ACTN2: variants seen among roughly 807,000 people sequenced by gnomAD.
ACTN2 encodes the protein alpha-actinin-2.
In ACTN2, 39 loss-of-function variants were observed where a neutral mutation model predicts 113.8. The observed-to-expected ratio is 0.34, with a 90% CI of 0.27 to 0.45. The LOEUF (loss-of-function observed/expected upper bound fraction) is 0.45, where lower values mean the gene tolerates loss of function less well. Among genes scored for constraint, ACTN2 ranks in the 20% least tolerant of loss-of-function variants. The probability of loss-of-function intolerance (pLI) is 1.00; values close to 1 mark genes in which losing one functional copy is unlikely to be tolerated. For synonymous variants in ACTN2, 429 were observed against 444.1 expected (o/e 0.97, Z 0.43); for missense variants, 992 against 1,177.9 (o/e 0.84, Z 2.31).
chr1:236,761,245 G>T (rs1659700009), intron 20 of ACTN2, 72 bp downstream of exon 20: 1 of 1,585,250 alleles, frequency 6.3e-7, no homozygotes, highest in African/African-American at 1.3e-5. Context: ...AGGCAACAGT[G>T]TTGTAAATAA....
At chr1:236,704,347 C>T (rs954641760) in intron 1 of ACTN2, among the ~76,000 whole-genome samples, 2 of 152,154 alleles carry the variant, frequency 1.3e-5, no homozygotes, top group African/African-American at 2.4e-5. Flanking sequence ...TCCCACTTTC[C>T]GCCACCCTGT....
intron 1 of ACTN2, among the ~76,000 whole-genome samples, chr1:236,704,731 G>C (rs917236245): frequency 3.3e-5 from 5 of 152,188 alleles, no homozygotes; most frequent in African/African-American, 1.2e-4. Flanking sequence ...CGCCCTCCAG[G>C]AACCTCCACG....
chr1:236,753,915 C>T (rs761479426), intron 15 of ACTN2, 32 bp from the exon 16 acceptor site: 64 of 1,613,176 alleles, frequency 4.0e-5, no homozygotes, highest in Middle Eastern at 1.6e-4. Flanking sequence ...CACAGCTGGC[C>T]TCTAACCCTT....
chr1:236,729,273 G>A (rs532219751), intron 6 of ACTN2, among the ~76,000 whole-genome samples: 22 of 152,168 alleles, frequency 1.4e-4, no homozygotes, highest in Non-Finnish European at 2.6e-4. Context: ...GCAGTGAACC[G>A]AGATGGCACC....
Position 236,717,890 on chromosome 1 carries a change from G to A in ACTN2, c.159G>A (p.Arg53=). 6.2e-7 allele frequency: 1 copy of A among 1,614,124 alleles called. No individual in the cohort carries two copies. The highest frequency in any genetic ancestry group is 1.3e-5 in the African/African-American group (1 of 75,034). The change falls in exon 2 of 21, where the codon AGG becomes AGA. Residue 53 remains arginine (R), a synonymous_variant. Transcript: ENST00000366578. ...CTGCCTGGTGTAACTCCCACCTAAG[G>A]AAAGCCGGCACCCAGATTGAGAACA... ...TFTAWCNSHL[R]KAGTQIENIE... is the part of the protein sequence containing the mutation.
intron 2 of ACTN2, 135 bp from the exon 3 acceptor site, chr1:236,718,759 G>A (rs1424757842): frequency 8.0e-7 from 1 of 1,247,248 alleles, no homozygotes; most frequent in Non-Finnish European, 1.2e-6. Context: ...GATTTAGAGA[G>A]ACCAGGCACA....
intron 1 of ACTN2, among the ~76,000 whole-genome samples, chr1:236,700,775 A>G (rs1239968752): frequency 1.3e-5 from 2 of 152,180 alleles, no homozygotes; most frequent in Admixed American, 6.5e-5. Context: ...TTCTTCGGGA[A>G]AGGTTATTTT....
chr1:236,724,630 C>T (rs1199089811), intron 4 of ACTN2, among the ~76,000 whole-genome samples: 1 of 152,206 alleles, frequency 6.6e-6, no homozygotes. Context: ...TCTCACGTCG[C>T]ATAGGGGTGT....
intron 1 of ACTN2, among the ~76,000 whole-genome samples, chr1:236,688,238 T>TA (rs921017859): frequency 7.9e-5 from 12 of 151,194 alleles, no homozygotes; most frequent in African/African-American, 1.9e-4. Flanking sequence ...TTTCATGGAT[T>TA]AAAAAAAAAG....
intron 17 of ACTN2, among the ~76,000 whole-genome samples, chr1:236,755,405 C>T (rs1659525610): frequency 6.6e-6 from 1 of 152,190 alleles, no homozygotes; most frequent in Non-Finnish European, 1.5e-5. Flanking sequence ...CCAACAGTGA[C>T]ATTATCATTA....
At position 236,686,569 on chromosome 1, in the gene ACTN2, C is replaced by T; in HGVS notation, c.-105C>T. 1 of 1,312,242 alleles carries T rather than the reference C, an allele frequency of 7.6e-7. No individual in the cohort carries two copies. The highest frequency in any genetic ancestry group is 3.3e-5 in the East Asian group (1 of 29,874). 81.3% of individuals were successfully genotyped at this position (1,312,242 alleles called of 1,614,324 possible). A position where few individuals can be genotyped will look rare whatever the true frequency, so the allele number is the denominator to read the frequency against. ...CGAGAGGAGCCGCGCGAAGGTCACC[C>T]CGCGCCCGCCGCCCGCCGCCCGCCG... is the stretch of plus-strand genomic sequence containing the variant. On this transcript the variant is annotated 5_prime_UTR_variant, in exon 1 of 21. Coordinates refer to ENST00000366578, the MANE Select transcript of ACTN2 (RefSeq NM_001103.4).
intron 17 of ACTN2, 35 bp downstream of exon 17, chr1:236,755,233 C>T (rs2102944334): frequency 6.2e-7 from 1 of 1,613,264 alleles, no homozygotes; most frequent in Non-Finnish European, 8.5e-7. Flanking sequence ...CCGCTCACTT[C>T]TCACGGGGAC....
chr1:236,734,879 A>C (rs1026809453), intron 7 of ACTN2, among the ~76,000 whole-genome samples: 3 of 152,236 alleles, frequency 2.0e-5, no homozygotes, highest in African/African-American at 7.2e-5. Flanking sequence ...GTTAAAAAGC[A>C]ACTTACCGAA....
rs538711530 is a variant in ACTN2 at position 236,725,021 on chromosome 1, C to G, written c.449-912C>G. ...ACCAGATGAATGACAGATTAGTTGT[C>G]ATCAACTACACACAGTTTATTTTTT... On this transcript the variant is annotated intron_variant, in intron 4 of 20. Coordinates refer to ENST00000366578, the MANE Select transcript of ACTN2 (RefSeq NM_001103.4). Among the ~76,000 whole-genome samples the G allele has an allele frequency of 2.0e-5, 3 of 152,078 alleles. No individual in the cohort carries two copies. In the South Asian group the frequency reaches 6.2e-4, roughly 32 times the overall value.
chr1:236,752,368 G>A (rs2102940608), intron 15 of ACTN2, among the ~76,000 whole-genome samples: 1 of 152,086 alleles, frequency 6.6e-6, no homozygotes, highest in Admixed American at 6.6e-5. Context: ...ACAAAAACAG[G>A]TATGAGGAAA....
chr1:236,711,695 G>A lies in ACTN2; in HGVS notation c.127-6163G>A, dbSNP rs1658031772. Among the ~76,000 whole-genome samples, 4 of 152,192 alleles carry A rather than the reference G, an allele frequency of 2.6e-5. No individual in the cohort carries two copies. The South Asian group carries it at 8.3e-4, about 31-fold the overall frequency. Reference sequence around the variant, plus strand: ...TTTCTTTCTGGGGATAGATGGTTTTGTGGCTTCCCATCTCGGTCTTCTTTT... The same window carrying A: ...TTTCTTTCTGGGGATAGATGGTTTTATGGCTTCCCATCTCGGTCTTCTTTT... On this transcript the variant is annotated intron_variant, in intron 1 of 20. Transcript: ENST00000366578.
intron 4 of ACTN2, among the ~76,000 whole-genome samples, chr1:236,721,931 C>A (rs556574067): frequency 6.6e-6 from 1 of 151,918 alleles, no homozygotes; most frequent in South Asian, 2.1e-4. Flanking sequence ...AGAGTTTTCC[C>A]CAAAATTGTT....
At chr1:236,700,111 A>G (rs1237198742) in intron 1 of ACTN2, among the ~76,000 whole-genome samples, 4 of 152,150 alleles carry the variant, frequency 2.6e-5, no homozygotes, top group Admixed American at 1.3e-4. Flanking sequence ...ATCATTTTCT[A>G]TGCCTAAAAA....
chr1:236,702,837 G>A (rs528518609), intron 1 of ACTN2, among the ~76,000 whole-genome samples: 61 of 152,336 alleles, frequency 4.0e-4, no homozygotes, highest in Admixed American at 1.1e-3. Context: ...GGACAGCAAT[G>A]CAGAGAATAT....
Sources: allele counts gnomAD v4.1 joint callset (sites outside exome capture counted in the v4.1 genomes callset), GRCh38; gene constraint gnomAD v4.1.1; transcripts MANE v1.5; gene names NCBI Gene and HGNC (gene_info 2026-07-23, HGNC 2026-07-21).